Variants in ZNF57 observed in about 807,000 individuals in gnomAD.
ZNF57 encodes the protein zinc finger protein 424.
A neutral mutation model predicts 13.4 loss-of-function variants in ZNF57; 11 were observed. The ratio of observed to expected loss-of-function variants is 0.82; its 90% CI spans 0.52 to 1.36. The LOEUF is 1.36. Among genes scored for constraint, ZNF57 ranks in the 40% most tolerant of loss-of-function variants. ZNF57 has a pLI of 0.00. For synonymous variants in ZNF57, 224 were observed against 238.5 expected, an observed-to-expected ratio of 0.94 and a Z score of 0.56; for missense variants, 696 against 667.5, an observed-to-expected ratio of 1.04 and a Z score of -0.47.
intron 1 of ZNF57, among the ~76,000 whole-genome samples, chr19:2,906,894 G>C (rs564081971): frequency 6.6e-6 from 1 of 152,150 alleles, no homozygotes; most frequent in Non-Finnish European, 1.5e-5. Flanking sequence ...TGGGAGCCTC[G>C]GTCTCTAGTG....
At chr19:2,909,337 G>A (rs2088112192) in intron 1 of ZNF57, among the ~76,000 whole-genome samples, 1 of 75,682 alleles carries the variant, frequency 1.3e-5, no homozygotes, top group Admixed American at 1.8e-4. Context: ...CTGGAGTGCA[G>A]TGGCGCGATC....
intron 1 of ZNF57, among the ~76,000 whole-genome samples, chr19:2,906,048 T>G (rs1231524198): frequency 6.6e-6 from 1 of 152,166 alleles, no homozygotes; most frequent in Non-Finnish European, 1.5e-5. Context: ...AATTGTTCCA[T>G]GATGATTGTT....
chr19:2,914,900 T>C (rs979675444), intron 1 of ZNF57, among the ~76,000 whole-genome samples: 5 of 152,212 alleles, frequency 3.3e-5, no homozygotes, highest in African/African-American at 1.2e-4. Flanking sequence ...TGTGCTGTTA[T>C]TGGCAAATAG....
intron 1 of ZNF57, among the ~76,000 whole-genome samples, chr19:2,909,199 A>G (rs11084973): frequency 0.44 from 66,280 of 151,062 alleles, 14,954 homozygotes; most frequent in East Asian, 0.63. Context: ...TTTCTTCAGT[A>G]TATATTTAGG....
In ZNF57 at chr19:2,909,551, C is replaced by T. The variant is rs1376063721; in HGVS notation, c.4-5971C>T. On this transcript the variant is annotated intron_variant, in intron 1 of 3. Coordinates refer to ENST00000306908, the MANE Select transcript of ZNF57 (RefSeq NM_173480.3). ...CCTCCCAAAGTGCTAGGATTACAGG[C>T]ATGAGCCTCTGTGCCTGGCCGGTAT... is the stretch of plus-strand genomic sequence containing the variant. Among the ~76,000 whole-genome samples the T allele has an allele frequency of 4.2e-5, 2 of 47,996 alleles. 1 individual carries two copies. Among genetic ancestry groups the T allele is most frequent in the African/African-American group, 9.5e-5 (2 of 21,030 alleles). 31.5% of individuals were successfully genotyped at this position (47,996 alleles called of 152,430 possible). A position where few individuals can be genotyped will look rare whatever the true frequency, so the allele number is the denominator to read the frequency against.
At chr19:2,916,809 A>G in intron 3 of ZNF57, 115 bp from the exon 4 acceptor site, 1 of 897,430 alleles carries the variant, frequency 1.1e-6, no homozygotes. Context: ...TTCAGAATAG[A>G]AAAACTTCAC....
At chr19:2,915,478 T>C in intron 1 of ZNF57, 44 bp from the exon 2 acceptor site, 1 of 1,598,838 alleles carries the variant, frequency 6.3e-7, no homozygotes, top group South Asian at 1.1e-5. Context: ...CCCAGTACTT[T>C]CAGTGTCTCC....
chr19:2,917,427 G>A lies in ZNF57; in HGVS notation c.806G>A (p.Arg269Lys). The change falls in exon 4 of 4, where the codon AGA (arginine) becomes AAA (lysine). Residue 269 changes from arginine to lysine, a missense_variant. Physicochemically the swap from Arg to Lys is conservative, Grantham distance 26. Around this residue, in one of 3 missense-constraint regions of ZNF57, gnomAD observed 645 missense variants for 591.5 expected, o/e 1.09. Transcript: ENST00000306908. The part of the protein sequence containing the change: ...RAFIYPSTFQ[R>K]HMTTHTGEKP... ...TTCATTTATCCCTCGACATTTCAAAGACACATGACAACACACACTGGAGAG... is the reference window on the plus strand; with the variant it reads ...TTCATTTATCCCTCGACATTTCAAAAACACATGACAACACACACTGGAGAG... 1 of 1,614,158 alleles carries A rather than the reference G, an allele frequency of 6.2e-7. No homozygotes were observed. The highest frequency in any genetic ancestry group is 8.5e-7 in the Non-Finnish European group (1 of 1,180,044).
chr19:2,911,538 C>CA (rs71179930), intron 1 of ZNF57, among the ~76,000 whole-genome samples: 38 of 150,366 alleles, frequency 2.5e-4, no homozygotes, highest in Admixed American at 1.5e-3. Flanking sequence ...GTCTCAAAAA[C>CA]AAAAAAAAAC....
chr19:2,915,500 A>C, intron 1 of ZNF57, 22 bp from the exon 2 acceptor site: 1 of 1,611,986 alleles, frequency 6.2e-7, no homozygotes, highest in Non-Finnish European at 8.5e-7. Context: ...ATCCTCCTGC[A>C]CACCTGTGTG....
At chr19:2,906,195 G>A (rs1180656450) in intron 1 of ZNF57, among the ~76,000 whole-genome samples, 1 of 152,218 alleles carries the variant, frequency 6.6e-6, no homozygotes, top group Non-Finnish European at 1.5e-5. Flanking sequence ...TGGGACTGCA[G>A]ATTCATGCCA....
rs1249353952 is a variant in ZNF57 at position 2,901,062 on chromosome 19, A to G, written c.3+14A>G. 1.3e-6 allele frequency: 2 copies of G among 1,557,266 alleles called. No individual in the cohort carries two copies. ...AGGGGAGACATGGTGAGTGCGAGGC[A>G]GGAGCAGAGCCAGGGGACGGTCGGA... On this transcript the variant is annotated intron_variant, in intron 1 of 3. Transcript: ENST00000306908.
chr19:2,900,954 C>T lies in ZNF57; in HGVS notation c.-92C>T, dbSNP rs1400947875. ...TCCCTGCCGCGCGTGCCCTGCCTAC[C>T]ACGAGCGGCCCGGGAGTACCTGTAC... On this transcript the variant is annotated 5_prime_UTR_variant, in exon 1 of 4. Transcript: ENST00000306908. The T allele has an allele frequency of 1.3e-6, 2 of 1,513,684 alleles. No individual in the cohort carries two copies. Among genetic ancestry groups the T allele is most frequent in the South Asian group, 1.2e-5 (1 of 82,578 alleles). The allele number at this position is 1,513,684 out of a possible 1,614,324, so 93.8% of individuals were successfully genotyped here. A position where few individuals can be genotyped will look rare whatever the true frequency, so the allele number is the denominator to read the frequency against.
rs781074690 is a variant in ZNF57 at position 2,917,012 on chromosome 19, A to T, written c.391A>T (p.Lys131Ter). ...IHQMPDLTLHKKVSAGEKPYE... is the reference protein window; with the variant it reads ...IHQMPDLTLH ...TCAAATGCCAGATCTTACCCTGCAC[A>T]AGAAAGTTTCTGCTGGAGAAAAACC... The change falls in exon 4 of 4, where the codon AAG becomes TAG. Residue 131 changes from lysine to a stop codon, truncating the protein, a stop_gained. Transcript: ENST00000306908. LOFTEE classifies it low-confidence loss of function (END_TRUNC). 1 of 1,614,212 alleles carries T rather than the reference A, an allele frequency of 6.2e-7. No individual in the cohort carries two copies. The highest frequency in any genetic ancestry group is 1.1e-5 in the South Asian group (1 of 91,084).
chr19:2,918,351 A>G lies in ZNF57; in HGVS notation c.*62A>G. 1.3e-6 allele frequency: 2 copies of G among 1,491,168 alleles called. No individual in the cohort carries two copies. Among genetic ancestry groups the G allele is most frequent in the Non-Finnish European group, 1.8e-6 (2 of 1,114,886 alleles). The allele number at this position is 1,491,168 out of a possible 1,614,324, so 92.4% of individuals were successfully genotyped here. On this transcript the variant is annotated 3_prime_UTR_variant, in exon 4 of 4. Coordinates refer to ENST00000306908, the MANE Select transcript of ZNF57 (RefSeq NM_173480.3). The stretch of plus-strand genomic sequence containing the variant: ...TTAATTCATGTATAATGCTCCAGAA[A>G]ATTCACACCAGGAGAGAAATCTTAC...
chr19:2,903,445 T>C (rs2088045987), intron 1 of ZNF57, among the ~76,000 whole-genome samples: 1 of 151,922 alleles, frequency 6.6e-6, no homozygotes, highest in Non-Finnish European at 1.5e-5. Flanking sequence ...CTCCTGACCT[T>C]AAGTGATCCA....
chr19:2,901,474 G>A (rs1441208950), intron 1 of ZNF57, among the ~76,000 whole-genome samples: 1 of 152,012 alleles, frequency 6.6e-6, no homozygotes, highest in African/African-American at 2.4e-5. Context: ...GGCTGAGTCT[G>A]AGAAAGGACT....
At chr19:2,909,079 C>G (rs1349112448) in intron 1 of ZNF57, among the ~76,000 whole-genome samples, 1 of 151,988 alleles carries the variant, frequency 6.6e-6, no homozygotes, top group African/African-American at 2.4e-5. Flanking sequence ...TGGGCTGTAC[C>G]ACATTTTGTT....
At chr19:2,908,233 C>T (rs2088093171) in intron 1 of ZNF57, among the ~76,000 whole-genome samples, 1 of 151,950 alleles carries the variant, frequency 6.6e-6, no homozygotes, top group Admixed American at 6.5e-5. Context: ...TAGAAATTTG[C>T]AAAAAGACAA....
Sources: gnomAD v4.1 joint callset for allele counts (sites outside exome capture counted in the v4.1 genomes callset) on GRCh38, gnomAD v4.1.1 for gene constraint, gnomAD v4.1.1 regional missense constraint, MANE v1.5 for transcripts, NCBI Gene and HGNC (gene_info 2026-07-23, HGNC 2026-07-21) for gene names.